The following RNU6-9 variants were observed in gnomAD, a reference collection of about 807,000 sequenced individuals.
The protein encoded by RNU6-9 is RNA, U6 small nuclear 9.
At chr19:893,517 G>A (rs918007193) in exon 1 of RNU6-9, 18 of 151,520 alleles carry the variant, frequency 1.2e-4, no homozygotes, top group Admixed American at 4.6e-4. Flanking sequence ...ACTAAAATTG[G>A]AACGATACAG....
exon 1 of RNU6-9, chr19:893,546 C>T (rs868684984): frequency 6.6e-5 from 10 of 152,036 alleles, no homozygotes; most frequent in Non-Finnish European, 8.8e-5. Context: ...AGCATGGCCC[C>T]TGCGCAAGGA....
At chr19:893,552 A>G (rs1276548866) in exon 1 of RNU6-9, 3 of 151,916 alleles carry the variant, frequency 2.0e-5, no homozygotes, top group African/African-American at 4.8e-5. Flanking sequence ...GCCCCTGCGC[A>G]AGGATGACAC....
chr19:893,528 A>C (rs1444993664), exon 1 of RNU6-9: 1 of 152,066 alleles, frequency 6.6e-6, no homozygotes, highest in Non-Finnish European at 1.5e-5. Context: ...AACGATACAG[A>C]GAAGATTAGC....
exon 1 of RNU6-9, chr19:893,545 C>A (rs770806785): frequency 2.0e-5 from 3 of 152,022 alleles, no homozygotes; most frequent in Admixed American, 2.0e-4. Context: ...TAGCATGGCC[C>A]CTGCGCAAGG....
chr19:893,567 A>G (rs909178566), exon 1 of RNU6-9: 24 of 149,416 alleles, frequency 1.6e-4, no homozygotes, highest in African/African-American at 4.9e-4. Flanking sequence ...TGACACGCAA[A>G]TTCGTGAAGC....
At chr19:893,537 G>C (rs1056349514) in exon 1 of RNU6-9, 6 of 151,978 alleles carry the variant, frequency 3.9e-5, no homozygotes, top group Non-Finnish European at 5.9e-5. Flanking sequence ...GAGAAGATTA[G>C]CATGGCCCCT....
At chr19:893,585 ATTT>A (rs56019058) in exon 1 of RNU6-9, 28,080 of 146,620 alleles carry the variant, frequency 0.19, 3,430 homozygotes, top group Non-Finnish European at 0.27. Flanking sequence ...AGCGTTCCAT[ATTT>A]TTTTTTTTTT....
exon 1 of RNU6-9, chr19:893,540 TG>T (rs2036691136): frequency 6.6e-6 from 1 of 152,012 alleles, no homozygotes; most frequent in Non-Finnish European, 1.5e-5. Context: ...AAGATTAGCA[TG>T]GCCCCTGCGC....
exon 1 of RNU6-9, chr19:893,529 G>A (rs777803715): frequency 6.6e-6 from 1 of 152,062 alleles, no homozygotes; most frequent in African/African-American, 2.4e-5. Flanking sequence ...ACGATACAGA[G>A]AAGATTAGCA....
chr19:893,495 G>C (rs553785908), exon 1 of RNU6-9: 2 of 152,286 alleles, frequency 1.3e-5, no homozygotes, highest in African/African-American at 4.8e-5. Context: ...TGCTCGCTTC[G>C]GCAGCACATA....
chr19:893,565 A>G (rs981199158), exon 1 of RNU6-9: 1 of 150,060 alleles, frequency 6.7e-6, no homozygotes, highest in African/African-American at 2.5e-5. Context: ...GATGACACGC[A>G]AATTCGTGAA....
chr19:893,561 A>G (rs1423522132), exon 1 of RNU6-9: 3 of 150,956 alleles, frequency 2.0e-5, no homozygotes. Flanking sequence ...CAAGGATGAC[A>G]CGCAAATTCG....
exon 1 of RNU6-9, chr19:893,585 ATT>A (rs56019058): frequency 0.23 from 34,013 of 146,552 alleles, 4,081 homozygotes; most frequent in African/African-American, 0.28. Context: ...AGCGTTCCAT[ATT>A]TTTTTTTTTT....
chr19:893,505 AT>A (rs1202483236), exon 1 of RNU6-9: 2 of 152,164 alleles, frequency 1.3e-5, no homozygotes, highest in Non-Finnish European at 2.9e-5. Flanking sequence ...GGCAGCACAT[AT>A]ACTAAAATTG....
exon 1 of RNU6-9, chr19:893,540 T>C (rs536974538): frequency 2.6e-5 from 4 of 152,012 alleles, no homozygotes; most frequent in Admixed American, 2.0e-4. Flanking sequence ...AAGATTAGCA[T>C]GGCCCCTGCG....
exon 1 of RNU6-9, chr19:893,548 G>T (rs539789829): frequency 4.0e-5 from 6 of 151,840 alleles, no homozygotes; most frequent in Admixed American, 6.6e-5. Flanking sequence ...CATGGCCCCT[G>T]CGCAAGGATG....
At chr19:893,556 A>T (rs1357678175) in exon 1 of RNU6-9, 3 of 151,640 alleles carry the variant, frequency 2.0e-5, no homozygotes, top group African/African-American at 7.3e-5. Context: ...CTGCGCAAGG[A>T]TGACACGCAA....
At chr19:893,513 A>G (rs1339450537) in exon 1 of RNU6-9, 1 of 152,114 alleles carries the variant, frequency 6.6e-6, no homozygotes, top group Non-Finnish European at 1.5e-5. Flanking sequence ...ATATACTAAA[A>G]TTGGAACGAT....
chr19:893,564 C>T (rs1312548304), exon 1 of RNU6-9: 3 of 150,688 alleles, frequency 2.0e-5, no homozygotes, highest in Non-Finnish European at 3.0e-5. Flanking sequence ...GGATGACACG[C>T]AAATTCGTGA....
Sources: allele counts gnomAD v4.1 joint callset, GRCh38; gene constraint gnomAD v4.1.1; transcripts MANE v1.5; gene names NCBI Gene and HGNC (gene_info 2026-07-23, HGNC 2026-07-21).